RXRA: variants seen among roughly 807,000 people sequenced by gnomAD.
RXRA encodes retinoid X receptor alpha.
A neutral mutation model predicts 44.5 loss-of-function variants in RXRA; 5 were observed. The observed-to-expected ratio is 0.11, with a 90% CI of 0.06 to 0.24. RXRA has a LOEUF of 0.24. RXRA is among the 10% of genes least tolerant of loss of function. RXRA has a pLI of 1.00. For synonymous variants in RXRA, 291 were observed against 271.4 expected (o/e 1.07, Z -0.71); for missense variants, 412 against 646.5 (o/e 0.64, Z 3.93).
rs566038602 is a variant in RXRA at position 134,358,913 on chromosome 9, G to A, written c.28+32254G>A. Among the ~76,000 whole-genome samples the A allele has an allele frequency of 2.1e-3, 326 of 152,296 alleles. 6 individuals are homozygous for A. Among genetic ancestry groups the A allele is most frequent in the Non-Finnish European group, 1.2e-3 (85 of 68,008 alleles). On this transcript the variant is annotated intron_variant, in intron 1 of 9. Transcript: ENST00000481739. The stretch of plus-strand genomic sequence containing the variant: ...TGCTGGGCTCAGGGGAAGGGCAGGC[G>A]GAGCTCTGGGGCCAACAGCCCCACG...
intron 1 of RXRA, among the ~76,000 whole-genome samples, chr9:134,400,257 G>A (rs774969498): frequency 9.6e-4 from 146 of 152,342 alleles, no homozygotes; most frequent in Middle Eastern, 3.4e-3. Flanking sequence ...GTGAGCCAGT[G>A]CCCTGGACAC....
At chr9:134,434,873 C>CG (rs1831591429) in intron 9 of RXRA, among the ~76,000 whole-genome samples, 1 of 108,864 alleles carries the variant, frequency 9.2e-6, no homozygotes, top group African/African-American at 4.3e-5. Context: ...GGGAGGGGGT[C>CG]GGGGGAGGTG....
rs1457425699 is a variant in RXRA at position 134,326,465 on chromosome 9, G to A, written c.-167G>A. ...CGCGCAGACACAAGTAGTTTACATTGTTGGGCGACTTTTGCAACAACTCGC... is the reference window on the plus strand; with the variant it reads ...CGCGCAGACACAAGTAGTTTACATTATTGGGCGACTTTTGCAACAACTCGC... On this transcript the variant is annotated 5_prime_UTR_variant, in exon 1 of 10. Transcript: ENST00000481739. 1.4e-5 allele frequency: 2 copies of A among 141,842 alleles called. No homozygotes were observed. Among genetic ancestry groups the A allele is most frequent in the Non-Finnish European group, 3.1e-5 (2 of 64,226 alleles). 8.8% of individuals were successfully genotyped at this position (141,842 alleles called of 1,614,324 possible). A position where few individuals can be genotyped will look rare whatever the true frequency, so the allele number is the denominator to read the frequency against.
intron 4 of RXRA, among the ~76,000 whole-genome samples, chr9:134,414,353 C>T (rs1324385600): frequency 6.6e-6 from 1 of 152,254 alleles, no homozygotes; most frequent in African/African-American, 2.4e-5. Context: ...GAGAAAATCC[C>T]TGGCACCGGG....
rs1309492446 is a variant in RXRA, at chr9:134,401,783, C to T, written c.180C>T (p.Gly60=). 6.2e-7 allele frequency: 1 copy of T among 1,613,200 alleles called. No individual in the cohort carries two copies. The highest frequency in any genetic ancestry group is 8.5e-7 in the Non-Finnish European group (1 of 1,179,934). ...PISTLSSPIN[G]MGPPFSVISS... ...GCACCCTGAGCTCCCCCATCAACGG[C>T]ATGGGCCCGCCTTTCTCGGTCATCA... is the stretch of plus-strand genomic sequence containing the variant. The change falls in exon 2 of 10, where the codon GGC becomes GGT. Residue 60 remains glycine, a synonymous_variant. Coordinates refer to ENST00000481739, the MANE Select transcript of RXRA (RefSeq NM_002957.6).
intron 1 of RXRA, among the ~76,000 whole-genome samples, chr9:134,329,688 T>C (rs941000260): frequency 6.6e-6 from 1 of 152,108 alleles, no homozygotes; most frequent in African/African-American, 2.4e-5. Flanking sequence ...TGCCAGCACC[T>C]GGTGGTTCTT....
intron 1 of RXRA, among the ~76,000 whole-genome samples, chr9:134,369,505 G>A (rs1199157842): frequency 8.2e-6 from 1 of 122,352 alleles, no homozygotes; most frequent in Non-Finnish European, 1.7e-5. Context: ...AGAGTGCGGG[G>A]GTTGTCTGCG....
intron 5 of RXRA, among the ~76,000 whole-genome samples, chr9:134,420,900 G>C (rs773039255): frequency 1.3e-5 from 2 of 152,196 alleles, no homozygotes; most frequent in Non-Finnish European, 2.9e-5. Context: ...CAAAGGAGCC[G>C]TGAATGCTGC....
intron 7 of RXRA, among the ~76,000 whole-genome samples, chr9:134,431,236 C>T (rs1434738609): frequency 1.3e-5 from 2 of 152,262 alleles, no homozygotes; most frequent in Non-Finnish European, 2.9e-5. Context: ...CAGTACACTG[C>T]AGAGGCTGGT....
At chr9:134,423,741 C>T in intron 6 of RXRA, 1 of 985,486 alleles carries the variant, frequency 1.0e-6, no homozygotes, top group African/African-American at 1.7e-5. Context: ...CCAAGGGAAC[C>T]CTGCCCTTGT....
intron 1 of RXRA, among the ~76,000 whole-genome samples, chr9:134,344,647 G>A (rs542070424): frequency 7.9e-5 from 12 of 152,268 alleles, no homozygotes; most frequent in African/African-American, 1.4e-4. Context: ...TCTCTGCTGC[G>A]TAGCGCCCTC....
Position 134,349,588 on chromosome 9 carries a change from G to T in RXRA, c.28+22929G>T, listed in dbSNP as rs1337495522. 1.3e-5 allele frequency among the ~76,000 whole-genome samples: 2 copies of T among 152,238 alleles called. No individual in the cohort carries two copies. The highest frequency in any genetic ancestry group is 2.9e-5 in the Non-Finnish European group (2 of 68,040). The stretch of plus-strand genomic sequence containing the variant: ...CTTGGCGAGCATGGGCCAGACAGGG[G>T]CAGGGTTCTCAGGTGGCCCCCATGA... On this transcript the variant is annotated intron_variant, in intron 1 of 9. Coordinates refer to ENST00000481739, the MANE Select transcript of RXRA (RefSeq NM_002957.6). This position sits in a 1 kb window ranked among gnomAD's most constrained non-coding sequence, Gnocchi z 4.3.
intron 6 of RXRA, among the ~76,000 whole-genome samples, chr9:134,427,390 C>T (rs760227063): frequency 5.3e-5 from 8 of 152,254 alleles, no homozygotes; most frequent in East Asian, 1.9e-4. Context: ...GCATGACAGG[C>T]GGGGAGGTGC....
intron 4 of RXRA, among the ~76,000 whole-genome samples, chr9:134,409,345 G>A (rs1831110713): frequency 1.3e-5 from 2 of 152,212 alleles, no homozygotes; most frequent in African/African-American, 4.8e-5. Context: ...GGCGTTGGCT[G>A]TCCGGTGAGG....
At position 134,336,390 on chromosome 9, in the gene RXRA, G is replaced by T. The variant is rs917098811; in HGVS notation, c.28+9731G>T. On this transcript the variant is annotated intron_variant, in intron 1 of 9. Coordinates refer to ENST00000481739, the MANE Select transcript of RXRA (RefSeq NM_002957.6). The stretch of plus-strand genomic sequence containing the variant: ...AGGCCCCTGCAGACAGTGGGCCTGG[G>T]CAATGGCATGCTCACAGCCCGGGTC... Among the ~76,000 whole-genome samples, 2 of 152,206 alleles carry T rather than the reference G, an allele frequency of 1.3e-5. 1 individual carries two copies. Among genetic ancestry groups the T allele is most frequent in the African/African-American group, 4.8e-5 (2 of 41,450 alleles).
chr9:134,387,394 A>G (rs1221891758), intron 1 of RXRA, among the ~76,000 whole-genome samples: 1 of 152,232 alleles, frequency 6.6e-6, no homozygotes, highest in African/African-American at 2.4e-5. Flanking sequence ...CTTTCCCAAG[A>G]CCACGGGGAG....
chr9:134,412,597 C>T (rs1207147490), intron 4 of RXRA, among the ~76,000 whole-genome samples: 1 of 152,166 alleles, frequency 6.6e-6, no homozygotes, highest in Non-Finnish European at 1.5e-5. Flanking sequence ...AGGAGGGACT[C>T]GTTCCGCAGC....
chr9:134,389,299 G>C (rs1240841029), intron 1 of RXRA, among the ~76,000 whole-genome samples: 1 of 152,218 alleles, frequency 6.6e-6, no homozygotes, highest in Non-Finnish European at 1.5e-5. Flanking sequence ...GTCACCCCCG[G>C]GGGGTTGCTC....
chr9:134,402,181 GGGA>G (rs1830974643), intron 2 of RXRA: 4 of 469,240 alleles, frequency 8.5e-6, no homozygotes, highest in African/African-American at 4.0e-5. Flanking sequence ...CCATGACTGG[GGGA>G]CTCAGCAGAG....
Sources: allele counts gnomAD v4.1 joint callset (sites outside exome capture counted in the v4.1 genomes callset), GRCh38; gene constraint gnomAD v4.1.1; non-coding constraint Gnocchi (gnomAD v3.1); transcripts MANE v1.5; gene names NCBI Gene and HGNC (gene_info 2026-07-23, HGNC 2026-07-21).